The following ACSS1 variants were observed in gnomAD, a reference collection of about 807,000 sequenced individuals.
The protein encoded by ACSS1 is acetyl-coenzyme A synthetase 2-like, mitochondrial.
ACSS1 carries 42 observed loss-of-function variants against 75.3 expected under a neutral mutation model. That is an observed-to-expected ratio of 0.56 (90% CI 0.44 to 0.72). The LOEUF (loss-of-function observed/expected upper bound fraction) is 0.72. Ranked by LOEUF, ACSS1 falls within the 30% of genes least tolerant of loss-of-function variation. The pLI, the probability that ACSS1 is intolerant of heterozygous loss-of-function variation, is 0.00. For synonymous variants in ACSS1, 380 were observed against 376.8 expected, an observed-to-expected ratio of 1.01 and a Z score of -0.10; for missense variants, 782 against 935.7, an observed-to-expected ratio of 0.84 and a Z score of 2.14.
At chr20:25,013,773 C>T in intron 9 of ACSS1, 111 bp from the exon 10 acceptor site, 2 of 1,449,216 alleles carry the variant, frequency 1.4e-6, no homozygotes, top group Non-Finnish European at 1.8e-6. Flanking sequence ...CCCCTCTGCC[C>T]CTGAGGAGGG....
rs562972905 is a variant in ACSS1 at position 25,058,126 on chromosome 20, T to C, written c.-24A>G. On this transcript the variant is annotated 5_prime_UTR_variant, in exon 1 of 14. Transcript: ENST00000323482. ...ATCTAGGCAGGCTACCTGAGCTCTC[T>C]GTGCTCCCAGAGTGGGTGCCTCACG... is the stretch of plus-strand genomic sequence containing the variant. The C allele has an allele frequency of 3.2e-6, 4 of 1,236,422 alleles. No homozygotes were observed. The highest frequency in any genetic ancestry group is 8.7e-5 in the Admixed American group (2 of 23,056). The allele number at this position is 1,236,422 out of a possible 1,614,324, so 76.6% of individuals were successfully genotyped here.
intron 1 of ACSS1, among the ~76,000 whole-genome samples, chr20:25,049,102 G>A (rs1022985165): frequency 9.2e-5 from 14 of 152,168 alleles, no homozygotes; most frequent in Non-Finnish European, 1.8e-4. Flanking sequence ...TGTAACAAAT[G>A]TAGACAGATT....
chr20:25,021,456 C>T lies in ACSS1; in HGVS notation c.1041G>A (p.Val347=), dbSNP rs775414514. 6.2e-6 allele frequency: 10 copies of T among 1,614,254 alleles called. No individual in the cohort carries two copies. Among genetic ancestry groups the T allele is most frequent in the East Asian group, 2.2e-5 (1 of 44,882 alleles). Residue 347 remains valine, a synonymous_variant, in exon 6 of 14, where the codon GTG becomes GTA. Coordinates refer to ENST00000323482, the MANE Select transcript of ACSS1 (RefSeq NM_032501.4). ...TGGCACCATTGCAGAGAGGCCCATA[C>T]ACCACGTAGCTGTGTCCTGTAATCC... ...IGWITGHSYV[V]YGPLCNGATS...
At chr20:25,046,816 A>G in intron 2 of ACSS1, 1 of 779,726 alleles carries the variant, frequency 1.3e-6, no homozygotes, top group Non-Finnish European at 2.4e-6. Flanking sequence ...GGGCCCGAGG[A>G]TCCAGGGCAG....
At chr20:25,021,559 T>G in intron 5 of ACSS1, 23 bp from the exon 6 acceptor site, 1 of 1,609,796 alleles carries the variant, frequency 6.2e-7, no homozygotes, top group South Asian at 1.1e-5. Flanking sequence ...GAAAGGAGCA[T>G]CAGGAGCTTG....
At chr20:25,016,856 C>A (rs2088525494) in intron 7 of ACSS1, among the ~76,000 whole-genome samples, 1 of 152,204 alleles carries the variant, frequency 6.6e-6, no homozygotes, top group African/African-American at 2.4e-5. Context: ...GGTGTGGTAA[C>A]TTTGGTGTTA....
chr20:25,037,884 A>C (rs139665738), intron 2 of ACSS1, among the ~76,000 whole-genome samples: 1 of 152,344 alleles, frequency 6.6e-6, no homozygotes, highest in East Asian at 1.9e-4. Context: ...CTGTCATTCA[A>C]TGGTGGTAAG....
chr20:25,043,617 A>C (rs2089039571), intron 2 of ACSS1, among the ~76,000 whole-genome samples: 1 of 152,200 alleles, frequency 6.6e-6, no homozygotes, highest in Non-Finnish European at 1.5e-5. Context: ...TTCTCTGGTC[A>C]GGGGTTTCTC....
Position 25,006,738 on chromosome 20 carries a change from T to C in ACSS1, c.*1024A>G, listed in dbSNP as rs2122563087. On this transcript the variant is annotated 3_prime_UTR_variant, in exon 14 of 14. Coordinates refer to ENST00000323482, the MANE Select transcript of ACSS1 (RefSeq NM_032501.4). ...TAATGTTGACAGCACCTAAGTCACA[T>C]TAAAACAAAGAGAGACTGGATCCAG... 19 of 1,371,212 alleles carry C rather than the reference T, an allele frequency of 1.4e-5. No individual in the cohort carries two copies. Among genetic ancestry groups the C allele is most frequent in the Non-Finnish European group, 1.9e-5 (19 of 1,017,690 alleles). 84.9% of individuals were successfully genotyped at this position (1,371,212 alleles called of 1,614,324 possible).
rs773433240 is a variant in ACSS1, at chr20:25,009,291, A to G, written c.1869T>C (p.Tyr623=). The change falls in exon 13 of 14, where the codon TAT becomes TAC. Residue 623 remains tyrosine, a synonymous_variant. Transcript: ENST00000323482. ...TCACCAGGATCTCATCAGGCACAGC[A>G]TATTTGGCGATCTTGGTGGCCACCA... The part of the protein sequence containing the change: ...KSMVATKIAK[Y]AVPDEILVVK... 1.2e-6 allele frequency: 2 copies of G among 1,613,762 alleles called. No individual in the cohort carries two copies. The highest frequency in any genetic ancestry group is 1.7e-6 in the Non-Finnish European group (2 of 1,179,734).
chr20:25,009,157 G>A, intron 13 of ACSS1, 113 bp downstream of exon 13: 1 of 960,090 alleles, frequency 1.0e-6, no homozygotes, highest in Non-Finnish European at 1.6e-6. Context: ...AACAGCTAGT[G>A]TCCGTTTTGA....
At chr20:25,048,018 C>A in intron 2 of ACSS1, 67 bp downstream of exon 2, 1 of 1,454,296 alleles carries the variant, frequency 6.9e-7, no homozygotes, top group Non-Finnish European at 9.5e-7. Flanking sequence ...TCCCTGACAG[C>A]CAGACTCAGC....
At chr20:25,013,896 G>C (rs1568829540) in intron 9 of ACSS1, 65 bp downstream of exon 9, 2 of 1,515,812 alleles carry the variant, frequency 1.3e-6, no homozygotes, top group Non-Finnish European at 1.8e-6. Flanking sequence ...AGAGAGCTGG[G>C]CTGGGCAGGC....
intron 2 of ACSS1, among the ~76,000 whole-genome samples, chr20:25,043,365 GC>G (rs1432209292): frequency 6.6e-6 from 1 of 152,214 alleles, no homozygotes; most frequent in Non-Finnish European, 1.5e-5. Flanking sequence ...CAGAGAGGTG[GC>G]CCCAGGCTCA....
Position 25,006,781 on chromosome 20 carries a change from T to C in ACSS1, c.*981A>G, listed in dbSNP as rs1207320393. On this transcript the variant is annotated 3_prime_UTR_variant, in exon 14 of 14. Coordinates refer to ENST00000323482, the MANE Select transcript of ACSS1 (RefSeq NM_032501.4). Reference sequence around the variant, plus strand: ...GGATCCAGACCTCCAAGTCTCATCATTGGACCTCAGTGGTTCTCACCGCCC... The same window carrying C: ...GGATCCAGACCTCCAAGTCTCATCACTGGACCTCAGTGGTTCTCACCGCCC... 5 of 1,501,950 alleles carry C rather than the reference T, an allele frequency of 3.3e-6. No homozygotes were observed. Among genetic ancestry groups the C allele is most frequent in the East Asian group, 2.5e-5 (1 of 40,684 alleles). The allele number at this position is 1,501,950 out of a possible 1,614,324, so 93.0% of individuals were successfully genotyped here.
At chr20:25,057,624 G>T in intron 1 of ACSS1, 145 bp downstream of exon 1, 1 of 695,018 alleles carries the variant, frequency 1.4e-6, no homozygotes, top group Non-Finnish European at 2.3e-6. Flanking sequence ...GCTTAGAGCG[G>T]GCGGGGCGGA....
chr20:25,057,936 C>T lies in ACSS1; in HGVS notation c.167G>A (p.Gly56Asp). The T allele has an allele frequency of 1.9e-6, 3 of 1,606,860 alleles. No individual in the cohort carries two copies. Among genetic ancestry groups the T allele is most frequent in the Non-Finnish European group, 2.5e-6 (3 of 1,177,156 alleles). ...PAVAAAAAQP[G>D]SYPALSAQAA... ...CTGTGCACTCAGCGCGGGATACGAG[C>T]CTGGCTGTGCTGCTGCTGCTGCAAC... Residue 56 changes from glycine to aspartate, a missense_variant, in exon 1 of 14, where the codon GGC becomes GAC. Physicochemically the swap from Gly to Asp is moderately conservative, Grantham distance 94. Transcript: ENST00000323482.
At chr20:25,052,834 C>A (rs927069184) in intron 1 of ACSS1, among the ~76,000 whole-genome samples, 2 of 152,228 alleles carry the variant, frequency 1.3e-5, no homozygotes, top group African/African-American at 4.8e-5. Context: ...CACAGCTGGA[C>A]GCAGTCGGCC....
At chr20:25,042,318 G>A (rs1253000785) in intron 2 of ACSS1, among the ~76,000 whole-genome samples, 1 of 152,156 alleles carries the variant, frequency 6.6e-6, no homozygotes, top group East Asian at 1.9e-4. Context: ...CCCACCCCGA[G>A]TAACATGGGA....
Sources: allele counts gnomAD v4.1 joint callset (sites outside exome capture counted in the v4.1 genomes callset), GRCh38; gene constraint gnomAD v4.1.1; transcripts MANE v1.5; gene names NCBI Gene and HGNC (gene_info 2026-07-23, HGNC 2026-07-21).